The following ZNF365 variants were observed in gnomAD, a reference collection of about 807,000 sequenced individuals.
ZNF365 encodes zinc finger protein 365.
Under a neutral mutation model 35.0 loss-of-function variants are expected in ZNF365, and 22 were observed. That is an observed-to-expected ratio of 0.63 (90% CI 0.45 to 0.90). ZNF365 has a LOEUF of 0.90. ZNF365 is among the 40% of genes least tolerant of loss of function. The pLI is 0.00. For synonymous variants in ZNF365, 188 were observed against 196.2 expected, an observed-to-expected ratio of 0.96 and a Z score of 0.35; for missense variants, 448 against 500.3, an observed-to-expected ratio of 0.90 and a Z score of 1.00.
At chr10:62,469,084 A>C (rs1342536689) in intron 4 of ZNF365, among the ~76,000 whole-genome samples, 4 of 152,236 alleles carry the variant, frequency 2.6e-5, no homozygotes, top group Admixed American at 2.0e-4. Context: ...AGTCAAGAGC[A>C]GAGTTCATGG....
intron 4 of ZNF365, among the ~76,000 whole-genome samples, chr10:62,461,360 C>T (rs1245380311): frequency 1.3e-5 from 2 of 152,220 alleles, no homozygotes; most frequent in African/African-American, 2.4e-5. Context: ...AGGAGGAGAG[C>T]TTCAACCAGA....
chr10:62,445,878 T>C (rs16917221), intron 3 of ZNF365, among the ~76,000 whole-genome samples: 2,320 of 152,200 alleles, frequency 0.015, 57 homozygotes, highest in African/African-American at 0.053. Flanking sequence ...GTGTAAACAA[T>C]TGGAACGAGG....
At chr10:62,442,906 T>C (rs1840525064) in intron 3 of ZNF365, among the ~76,000 whole-genome samples, 1 of 152,170 alleles carries the variant, frequency 6.6e-6, no homozygotes, top group South Asian at 2.1e-4. Flanking sequence ...TACCCTCCAC[T>C]CCTGACCAAG....
intron 3 of ZNF365, among the ~76,000 whole-genome samples, chr10:62,427,589 T>A (rs928195755): frequency 6.6e-6 from 1 of 152,216 alleles, no homozygotes; most frequent in Non-Finnish European, 1.5e-5. Flanking sequence ...TATGCTGTTG[T>A]AGAAAGAAAA....
rs531928556 is a variant in ZNF365, at chr10:62,382,196, T to C, written c.743+5260T>C. The stretch of plus-strand genomic sequence containing the variant: ...ACTTGCTTTGCACAACCAAATCCTC[T>C]TGCTATTTAATTCATTCCCATTTTT... On this transcript the variant is annotated intron_variant, in intron 2 of 4. Coordinates refer to ENST00000395254, the MANE Select transcript of ZNF365 (RefSeq NM_014951.3). Among the ~76,000 whole-genome samples the C allele has an allele frequency of 3.1e-4, 47 of 152,370 alleles. 1 individual carries two copies. In the South Asian group the frequency reaches 5.4e-3, roughly 17 times the overall value.
chr10:62,388,775 G>A (rs1839569423), intron 3 of ZNF365, among the ~76,000 whole-genome samples, 199 bp downstream of exon 3: 1 of 152,168 alleles, frequency 6.6e-6, no homozygotes, highest in Non-Finnish European at 1.5e-5. Flanking sequence ...TGCTGCATGT[G>A]CCGTTTTCAG....
chr10:62,441,520 C>A (rs1453828383), intron 3 of ZNF365, among the ~76,000 whole-genome samples: 2 of 152,096 alleles, frequency 1.3e-5, no homozygotes, highest in Non-Finnish European at 2.9e-5. Context: ...CCACACAGGG[C>A]AGAACCTTAC....
intron 3 of ZNF365, among the ~76,000 whole-genome samples, chr10:62,413,569 C>T (rs1452314601): frequency 1.3e-5 from 2 of 152,078 alleles, no homozygotes; most frequent in African/African-American, 2.4e-5. Flanking sequence ...CAACTGTCTG[C>T]CAGAGTGGTC....
At chr10:62,412,022 A>T (rs1839992272) in intron 3 of ZNF365, among the ~76,000 whole-genome samples, 1 of 152,148 alleles carries the variant, frequency 6.6e-6, no homozygotes, top group Non-Finnish European at 1.5e-5. Context: ...ATGAACATTA[A>T]TGCAAAAATC....
chr10:62,416,719 G>T (rs1589444316), intron 3 of ZNF365, among the ~76,000 whole-genome samples: 1 of 151,922 alleles, frequency 6.6e-6, no homozygotes, highest in East Asian at 1.9e-4. Context: ...TTTTTTGTTT[G>T]TTTGTTTGTT....
At chr10:62,465,271 C>T (rs1005324698) in intron 4 of ZNF365, among the ~76,000 whole-genome samples, 5 of 152,226 alleles carry the variant, frequency 3.3e-5, no homozygotes, top group Non-Finnish European at 7.3e-5. Flanking sequence ...CCTTGGCTTC[C>T]TCCAGGCTTT....
chr10:62,441,912 T>C (rs905563706), intron 3 of ZNF365, among the ~76,000 whole-genome samples: 47 of 152,188 alleles, frequency 3.1e-4, no homozygotes, highest in Non-Finnish European at 5.9e-5. Flanking sequence ...ATGGTGATTA[T>C]AAGATTTGGC....
rs1021831070 is a variant in ZNF365 at position 62,400,743 on chromosome 10, A to G, written c.*954A>G. 50 of 985,476 alleles carry G rather than the reference A, an allele frequency of 5.1e-5. No individual in the cohort carries two copies. Among genetic ancestry groups the G allele is most frequent in the African/African-American group, 1.0e-4 (6 of 57,182 alleles). 61.0% of individuals were successfully genotyped at this position (985,476 alleles called of 1,614,324 possible). ...GTCAGTGGCCCTCTCTCTCTCTGCT[A>G]TGGGCATGACTTTCTCTTCGCTGGC... On this transcript the variant is annotated 3_prime_UTR_variant, in exon 5 of 5. Coordinates refer to ENST00000395254, the MANE Select transcript of ZNF365 (RefSeq NM_014951.3).
chr10:62,404,499 T>C (rs1839875902), downstream of ZNF365, among the ~76,000 whole-genome samples: 1 of 152,208 alleles, frequency 6.6e-6, no homozygotes, highest in Admixed American at 6.5e-5. Flanking sequence ...AGTACTACTT[T>C]TCTCTTAGCT....
At chr10:62,451,159 G>A (rs886772667) in intron 3 of ZNF365, among the ~76,000 whole-genome samples, 1 of 152,156 alleles carries the variant, frequency 6.6e-6, no homozygotes, top group African/African-American at 2.4e-5. Flanking sequence ...TGAGATGTAG[G>A]GAGGAGTTTG....
At chr10:62,440,333 A>C (rs1407878523) in intron 3 of ZNF365, among the ~76,000 whole-genome samples, 1 of 151,474 alleles carries the variant, frequency 6.6e-6, no homozygotes, top group African/African-American at 2.4e-5. Flanking sequence ...TTTTTTCTAC[A>C]TATTACTTTA....
intron 2 of ZNF365, among the ~76,000 whole-genome samples, chr10:62,387,281 A>T (rs945097226): frequency 3.9e-5 from 6 of 152,118 alleles, no homozygotes; most frequent in African/African-American, 1.4e-4. Context: ...GTAGGAAAAG[A>T]AGGAAAACCG....
intron 4 of ZNF365, among the ~76,000 whole-genome samples, chr10:62,470,067 G>C (rs2132489270): frequency 6.6e-6 from 1 of 152,286 alleles, no homozygotes; most frequent in Middle Eastern, 3.4e-3. Context: ...ATAACAATGT[G>C]ATGAGCATCC....
At chr10:62,424,165 A>G (rs1840216744) in intron 3 of ZNF365, among the ~76,000 whole-genome samples, 1 of 152,222 alleles carries the variant, frequency 6.6e-6, no homozygotes, top group Admixed American at 6.5e-5. Context: ...TAATTTGAGA[A>G]GCCTGTGAGT....
Sources: gnomAD v4.1 joint callset for allele counts (sites outside exome capture counted in the v4.1 genomes callset) on GRCh38, gnomAD v4.1.1 for gene constraint, MANE v1.5 for transcripts, NCBI Gene and HGNC (gene_info 2026-07-23, HGNC 2026-07-21) for gene names.